WFS1: variants seen among roughly 807,000 people sequenced by gnomAD.
The protein encoded by WFS1 is wolframin ER transmembrane glycoprotein.
WFS1 carries 90 observed loss-of-function variants against 68.5 expected under a neutral mutation model. That is an observed-to-expected ratio of 1.31 (90% confidence interval 1.11 to 1.56). WFS1 has a LOEUF of 1.56. Ranked by LOEUF, WFS1 falls within the 40% of genes most tolerant of loss-of-function variation. The probability of loss-of-function intolerance (pLI) is 0.00; values close to 1 mark genes in which losing one functional copy is unlikely to be tolerated. For synonymous variants in WFS1, 860 were observed against 540.7 expected (o/e 1.59, Z -8.19); for missense variants, 1,767 against 1,232.6 (o/e 1.43, Z -6.49).
At chr4:6,270,308 G>T (rs995635469) in intron 1 of WFS1, among the ~76,000 whole-genome samples, 3 of 151,526 alleles carry the variant, frequency 2.0e-5, no homozygotes, top group Non-Finnish European at 4.4e-5. Context: ...CAGCAGGCCC[G>T]AGAGGCGGAG....
chr4:6,274,548 T>C (rs1361074767), intron 1 of WFS1, among the ~76,000 whole-genome samples: 1 of 151,978 alleles, frequency 6.6e-6, no homozygotes, highest in East Asian at 1.9e-4. Context: ...GAGGGAGGGC[T>C]CTGATGGAGA....
chr4:6,283,691 C>T lies in WFS1; in HGVS notation c.233-3402C>T, dbSNP rs546265034. On this transcript the variant is annotated intron_variant, in intron 2 of 7. Coordinates refer to ENST00000226760, the MANE Select transcript of WFS1 (RefSeq NM_006005.3). The surrounding 1 kb of genome is among the most constrained non-coding windows in gnomAD (Gnocchi z 5.0). ...CCATCCCTGAACCAGGTGCTGTAGT[C>T]AGGGAGATGACCTGGCAACTCTGAT... is the stretch of plus-strand genomic sequence containing the variant. Among the ~76,000 whole-genome samples, 13 of 152,300 alleles carry T rather than the reference C, an allele frequency of 8.5e-5. No homozygotes were observed. The highest frequency in any genetic ancestry group is 3.1e-4 in the African/African-American group (13 of 41,572).
chr4:6,294,181 C>T (rs1485324790), intron 6 of WFS1, among the ~76,000 whole-genome samples: 1 of 152,204 alleles, frequency 6.6e-6, no homozygotes, highest in Non-Finnish European at 1.5e-5. Flanking sequence ...CCTGCCCCAG[C>T]ATGGTCCTTT....
rs754112850 is a variant in WFS1, at chr4:6,301,654, T to G, written c.1859T>G (p.Val620Gly). The G allele has an allele frequency of 4.3e-6, 7 of 1,614,040 alleles. No homozygotes were observed. Among genetic ancestry groups the G allele is most frequent in the Admixed American group, 1.7e-5 (1 of 60,026 alleles). ...LRWWTKASFS[V>G]VGMVKSLTRS... ...TGGTGGACCAAGGCCAGCTTCTCTG[T>G]GGTGGGGATGGTGAAGTCCCTGACG... is the stretch of plus-strand genomic sequence containing the variant. The change falls in exon 8 of 8, where the codon GTG (valine) becomes GGG (glycine). Residue 620 changes from valine (V) to glycine (G), a missense_variant. Transcript: ENST00000226760.
intron 1 of WFS1, among the ~76,000 whole-genome samples, chr4:6,274,643 A>G (rs1454288205): frequency 1.3e-5 from 2 of 152,070 alleles, no homozygotes; most frequent in Non-Finnish European, 2.9e-5. Context: ...AGCTCCCACA[A>G]AGGAGGTATC....
rs781701900 is a variant in WFS1, at chr4:6,301,294, A to G, written c.1499A>G (p.Asn500Ser). The G allele has an allele frequency of 3.0e-5, 49 of 1,611,438 alleles. No homozygotes were observed. Among genetic ancestry groups the G allele is most frequent in the Non-Finnish European group, 4.1e-5 (48 of 1,180,026 alleles). Residue 500 changes from asparagine (N) to serine (S), a missense_variant, in exon 8 of 8, where the codon AAC (asparagine) becomes AGC (serine). By Grantham distance (46) the Asn-to-Ser change is conservative (BLOSUM62 1). Transcript: ENST00000226760. ...CCTGTCGGCCACCTGGTCGTCCTCAACGTCAGCGTCCCGTGCCTGCTCTAT... is the reference window on the plus strand; with the variant it reads ...CCTGTCGGCCACCTGGTCGTCCTCAGCGTCAGCGTCCCGTGCCTGCTCTAT... ...TVPVGHLVVL[N>S]VSVPCLLYVY...
rs1234626390 is a variant in WFS1, at chr4:6,269,919, C to A, written c.-101C>A. On this transcript the variant is annotated 5_prime_UTR_variant, in exon 1 of 8. Coordinates refer to ENST00000226760, the MANE Select transcript of WFS1 (RefSeq NM_006005.3). The stretch of plus-strand genomic sequence containing the variant: ...TTGCTCCCCCGCGGCCGCAGATCTC[C>A]CGTTTGCGCCGCGTTCAGCTGCTCC... 2.6e-5 allele frequency: 4 copies of A among 152,138 alleles called. No individual in the cohort carries two copies. Among genetic ancestry groups the A allele is most frequent in the South Asian group, 2.1e-4 (1 of 4,830 alleles). The allele number at this position is 152,138 out of a possible 1,614,324, so 9.4% of individuals were successfully genotyped here.
In WFS1 at chr4:6,298,277, C is replaced by T. The variant is rs529372893; in HGVS notation, c.862-2380C>T. Reference sequence around the variant, plus strand: ...AGCCAGCTGGCCTGGCGTCATACTACAGGGGCTTGCCCCAAACAAACCCTG... The same window carrying T: ...AGCCAGCTGGCCTGGCGTCATACTATAGGGGCTTGCCCCAAACAAACCCTG... On this transcript the variant is annotated intron_variant, in intron 7 of 7. Coordinates refer to ENST00000226760, the MANE Select transcript of WFS1 (RefSeq NM_006005.3). Among the ~76,000 whole-genome samples, 5 of 152,364 alleles carry T rather than the reference C, an allele frequency of 3.3e-5. No homozygotes were observed. The South Asian group carries it at 6.2e-4, about 19-fold the overall frequency.
Position 6,302,288 on chromosome 4 carries a change from C to T in WFS1, c.2493C>T (p.Gly831=), listed in dbSNP as rs922298438. ...TCGAGTTCAGCACCATCCTGGAGGG[C>T]CGCCTGGGCAGCAAGTGGCCTGTCT... is the stretch of plus-strand genomic sequence containing the variant. ...SLIEFSTILE[G]RLGSKWPVFE... is the part of the protein sequence containing the mutation. The change falls in exon 8 of 8, where the codon GGC becomes GGT. Residue 831 remains glycine (G), a synonymous_variant. Transcript: ENST00000226760. 1.2e-6 allele frequency: 2 copies of T among 1,605,064 alleles called. No individual in the cohort carries two copies. The highest frequency in any genetic ancestry group is 1.7e-6 in the Non-Finnish European group (2 of 1,174,240).
chr4:6,279,077 G>A (rs1730081081), intron 2 of WFS1, among the ~76,000 whole-genome samples: 1 of 152,216 alleles, frequency 6.6e-6, no homozygotes, highest in East Asian at 1.9e-4. Flanking sequence ...GCCTGCAGCT[G>A]GGGGCAGTGG....
intron 2 of WFS1, among the ~76,000 whole-genome samples, chr4:6,280,480 C>T (rs1466480155): frequency 6.6e-6 from 1 of 152,176 alleles, no homozygotes; most frequent in East Asian, 1.9e-4. Context: ...GTAGAGTTGA[C>T]ACCAAGCCTC....
At chr4:6,271,236 G>A (rs1729830616) in intron 1 of WFS1, among the ~76,000 whole-genome samples, 1 of 152,212 alleles carries the variant, frequency 6.6e-6, no homozygotes, top group Non-Finnish European at 1.5e-5. Context: ...GGGATTTGGA[G>A]GGAGGCTTCT....
At chr4:6,275,833 T>C (rs1729977924) in intron 1 of WFS1, among the ~76,000 whole-genome samples, 1 of 152,192 alleles carries the variant, frequency 6.6e-6, no homozygotes, top group Non-Finnish European at 1.5e-5. Context: ...AAGTGACCTC[T>C]GGGCACCTAC....
At chr4:6,288,871 C>T in intron 3 of WFS1, 116 bp from the exon 4 acceptor site, 1 of 1,485,008 alleles carries the variant, frequency 6.7e-7, no homozygotes, top group Non-Finnish European at 9.2e-7. Flanking sequence ...CATTTCTGCC[C>T]CTTCCTTCCT....
intron 3 of WFS1, among the ~76,000 whole-genome samples, chr4:6,288,024 C>T (rs147078157): frequency 0.015 from 2,277 of 152,216 alleles, 53 homozygotes; most frequent in African/African-American, 0.05. Context: ...CGTGACCAGC[C>T]TGGCCAACAT....
At chr4:6,278,772 C>A (rs912796718) in intron 2 of WFS1, among the ~76,000 whole-genome samples, 1 of 152,232 alleles carries the variant, frequency 6.6e-6, no homozygotes, top group Admixed American at 6.5e-5. Flanking sequence ...CTTTGCATCT[C>A]CTTAAAAGAT....
At chr4:6,300,385 G>C (rs1486634049) in intron 7 of WFS1, among the ~76,000 whole-genome samples, 1 of 152,070 alleles carries the variant, frequency 6.6e-6, no homozygotes, top group East Asian at 1.9e-4. Context: ...AAGCACACAT[G>C]CATCTAGTCA....
In WFS1 at chr4:6,284,839, C is replaced by T. The variant is rs528044425; in HGVS notation, c.233-2254C>T. 1.1e-3 allele frequency among the ~76,000 whole-genome samples: 161 copies of T among 150,366 alleles called. 1 individual carries two copies. The highest frequency in any genetic ancestry group is 3.6e-3 in the African/African-American group (146 of 40,898). On this transcript the variant is annotated intron_variant, in intron 2 of 7. Coordinates refer to ENST00000226760, the MANE Select transcript of WFS1 (RefSeq NM_006005.3). ...ACTGTGGAGCATGGATCCACACGTG[C>T]GTCTGTGTCATTGTGATCGCTCACG...
chr4:6,293,965 G>C (rs1730549510), intron 6 of WFS1, among the ~76,000 whole-genome samples: 1 of 152,176 alleles, frequency 6.6e-6, no homozygotes, highest in South Asian at 2.1e-4. Flanking sequence ...TGAGGCCTGT[G>C]CTACCTGCCA....
Sources: allele counts gnomAD v4.1 joint callset (sites outside exome capture counted in the v4.1 genomes callset), GRCh38; gene constraint gnomAD v4.1.1; non-coding constraint Gnocchi (gnomAD v3.1); transcripts MANE v1.5; gene names NCBI Gene and HGNC (gene_info 2026-07-23, HGNC 2026-07-21).